Variants in ELP5 observed in about 807,000 individuals in gnomAD.
The protein encoded by ELP5 is elongator complex protein 5.
Under a neutral mutation model 33.4 loss-of-function variants are expected in ELP5, and 34 were observed. The ratio of observed to expected loss-of-function variants is 1.02; its 90% CI spans 0.78 to 1.36. The LOEUF is 1.36. Ranked by LOEUF, ELP5 falls within the 40% of genes most tolerant of loss-of-function variation. The probability of loss-of-function intolerance (pLI) is 0.00; values close to 1 mark genes in which losing one functional copy is unlikely to be tolerated. For missense variants in ELP5, 373 were observed against 371.7 expected, an observed-to-expected ratio of 1.00 and a Z score of -0.03; for synonymous variants, 161 against 146.4, an observed-to-expected ratio of 1.10 and a Z score of -0.72.
intron 2 of ELP5, 24 bp from the exon 3 acceptor site, chr17:7,252,894 A>C (rs2071980267): frequency 6.2e-7 from 1 of 1,614,078 alleles, no homozygotes; most frequent in Non-Finnish European, 8.5e-7. Flanking sequence ...ACTCTTTGAC[A>C]ATCCCTTCTC....
At chr17:7,252,058 G>A (rs551200143), upstream of ELP5, 24 of 226,580 alleles carry the variant, frequency 1.1e-4, no homozygotes, top group South Asian at 1.1e-3. Flanking sequence ...CCGGGACTAA[G>A]TTCCTCCTGC....
At chr17:7,254,879 T>G in intron 4 of ELP5, 76 bp downstream of exon 4, 2 of 1,275,130 alleles carry the variant, frequency 1.6e-6, no homozygotes, top group Non-Finnish European at 2.3e-6. Context: ...CTTTCTACCC[T>G]AGAATAAACA....
chr17:7,253,940 T>G (rs1487836720), intron 3 of ELP5, among the ~76,000 whole-genome samples: 2 of 148,788 alleles, frequency 1.3e-5, no homozygotes, highest in Admixed American at 6.9e-5. Flanking sequence ...GAGGTTGCAG[T>G]GAGCGGAGAT....
chr17:7,256,777 GCT>G, intron 4 of ELP5, 78 bp from the exon 5 acceptor site: 12 of 1,432,168 alleles, frequency 8.4e-6, no homozygotes, highest in Non-Finnish European at 1.2e-5. Flanking sequence ...GAATTGTGAG[GCT>G]CTCTCTTCTT....
chr17:7,256,258 ATTG>A (rs763909649), intron 4 of ELP5, among the ~76,000 whole-genome samples: 4 of 152,098 alleles, frequency 2.6e-5, no homozygotes, highest in Non-Finnish European at 5.9e-5. Context: ...CTGAGGCAGT[ATTG>A]TTGAGCCCGT....
rs1487325024 is a variant in ELP5 at position 7,259,920 on chromosome 17, T to C, written c.*235T>C. The C allele has an allele frequency of 2.1e-6, 1 of 478,764 alleles. No homozygotes were observed. The highest frequency in any genetic ancestry group is 3.4e-6 in the Non-Finnish European group (1 of 295,730). 29.7% of individuals were successfully genotyped at this position (478,764 alleles called of 1,614,324 possible). On this transcript the variant is annotated 3_prime_UTR_variant, in exon 8 of 8. Transcript: ENST00000396628. ...CACCCCCGTACCTAATAAAAATCTT[T>C]ATTTTTTTATTAAAAAAGAAGTACT...
rs143171926 is a variant in ELP5, at chr17:7,255,334, G to A, written c.409+531G>A. Among the ~76,000 whole-genome samples the A allele has an allele frequency of 6.7e-3, 1,024 of 151,986 alleles. 16 individuals carry two copies. The highest frequency in any genetic ancestry group is 0.023 in the African/African-American group (962 of 41,442). On this transcript the variant is annotated intron_variant, in intron 4 of 7. Transcript: ENST00000396628. Reference sequence around the variant, plus strand: ...AGGTCAGGAGATCGAGACCATCCTGGCTAACATGGTGAAACCCCGTCTCTA... The same window carrying A: ...AGGTCAGGAGATCGAGACCATCCTGACTAACATGGTGAAACCCCGTCTCTA...
At chr17:7,259,327 CAA>C (rs1250244717) in intron 7 of ELP5, 3 of 1,397,620 alleles carry the variant, frequency 2.1e-6, no homozygotes. Flanking sequence ...CGCAAGACTA[CAA>C]GATCCTTGCC....
At chr17:7,252,103 A>G, upstream of ELP5, 2 of 309,376 alleles carry the variant, frequency 6.5e-6, no homozygotes, top group Admixed American at 5.0e-5. Flanking sequence ...GGAAAGCCAA[A>G]AGCACTCCAA....
At chr17:7,255,436 G>A (rs904544989) in intron 4 of ELP5, among the ~76,000 whole-genome samples, 1 of 151,994 alleles carries the variant, frequency 6.6e-6, no homozygotes, top group Non-Finnish European at 1.5e-5. Context: ...GCTGAGGCAG[G>A]AGAATGGCGT....
chr17:7,253,796 G>A (rs1466171269), intron 3 of ELP5, among the ~76,000 whole-genome samples: 1 of 152,148 alleles, frequency 6.6e-6, no homozygotes, highest in African/African-American at 2.4e-5. Context: ...TGGAGTTCGA[G>A]ACCAGCCTGA....
chr17:7,258,546 C>T (rs1429682871), intron 5 of ELP5, 42 bp from the exon 6 acceptor site: 12 of 1,593,800 alleles, frequency 7.5e-6, no homozygotes, highest in Non-Finnish European at 1.0e-5. Context: ...TGTCTAGTTT[C>T]TTCAGTAAGA....
In ELP5 at chr17:7,252,844, A is replaced by G; in HGVS notation, c.107+14A>G. The G allele has an allele frequency of 7.4e-6, 12 of 1,614,198 alleles. No homozygotes were observed. Among genetic ancestry groups the G allele is most frequent in the Non-Finnish European group, 1.0e-5 (12 of 1,180,022 alleles). On this transcript the variant is annotated intron_variant, in intron 2 of 7. Coordinates refer to ENST00000396628, the MANE Select transcript of ELP5 (RefSeq NM_203414.3). ...ATCTGCACTGTGGTGAGTATCCCAC[A>G]GTGTCTCCCCGGCCTACCCTGGATA...
intron 3 of ELP5, among the ~76,000 whole-genome samples, chr17:7,253,258 C>T (rs573083900): frequency 3.3e-5 from 5 of 152,252 alleles, no homozygotes; most frequent in East Asian, 3.9e-4. Context: ...TGCAGTAATC[C>T]GTTAATCCGG....
At chr17:7,254,939 GTT>G (rs5819150) in intron 4 of ELP5, 136 bp downstream of exon 4, 21,920 of 509,716 alleles carry the variant, frequency 0.043, no homozygotes, top group South Asian at 0.068. Context: ...TTTTTTGTCT[GTT>G]TTTTTTTTTT....
chr17:7,253,070 C>A, intron 3 of ELP5, 72 bp downstream of exon 3: 1 of 1,443,566 alleles, frequency 6.9e-7, no homozygotes, highest in Non-Finnish European at 9.8e-7. Flanking sequence ...TTACAACAAG[C>A]GCAGAACCTG....
chr17:7,253,978 C>T (rs1018553173), intron 3 of ELP5, among the ~76,000 whole-genome samples: 1 of 146,126 alleles, frequency 6.8e-6, no homozygotes, highest in Non-Finnish European at 1.5e-5. Context: ...GCCTGGGCAA[C>T]GAGCGAAACT....
intron 7 of ELP5, chr17:7,259,322 G>T: frequency 7.2e-7 from 1 of 1,396,434 alleles, no homozygotes; most frequent in Non-Finnish European, 9.3e-7. Flanking sequence ...GATGACGCAA[G>T]ACTACAAGAT....
Position 7,256,850 on chromosome 17 carries a change from C to A in ELP5, c.410-7C>A, listed in dbSNP as rs749748685. The A allele has an allele frequency of 6.2e-7, 1 of 1,614,174 alleles. No homozygotes were observed. Among genetic ancestry groups the A allele is most frequent in the Admixed American group, 1.7e-5 (1 of 60,020 alleles). The stretch of plus-strand genomic sequence containing the variant: ...CCTACTATCCTACATTTCTTGTCCT[C>A]CTCTAGGTGACAGCTCCTCAGTGGG... On this transcript the variant is annotated splice_region_variant and splice_polypyrimidine_tract_variant and intron_variant, in intron 4 of 7. Coordinates refer to ENST00000396628, the MANE Select transcript of ELP5 (RefSeq NM_203414.3).
Sources: allele counts gnomAD v4.1 joint callset (sites outside exome capture counted in the v4.1 genomes callset), GRCh38; gene constraint gnomAD v4.1.1; transcripts MANE v1.5; gene names NCBI Gene and HGNC (gene_info 2026-07-23, HGNC 2026-07-21).